Variants in ROBO2 observed in about 807,000 individuals in gnomAD.
ROBO2 encodes roundabout homolog 2.
A neutral mutation model predicts 160.8 loss-of-function variants in ROBO2; 53 were observed. The observed-to-expected ratio is 0.33, with a 90% CI of 0.26 to 0.41. ROBO2 has a LOEUF of 0.41. Among genes scored for constraint, ROBO2 ranks in the 10% least tolerant of loss-of-function variants. The probability of loss-of-function intolerance (pLI) is 1.00; values close to 1 mark genes in which losing one functional copy is unlikely to be tolerated. For synonymous variants in ROBO2, 664 were observed against 611.7 expected (o/e 1.09, Z -1.26); for missense variants, 1,577 against 1,722.4 (o/e 0.92, Z 1.49).
chr3:77,385,172 G>T (rs138741727), intron 2 of ROBO2, among the ~76,000 whole-genome samples: 57 of 152,154 alleles, frequency 3.7e-4, no homozygotes, highest in African/African-American at 1.4e-3. Flanking sequence ...TGGGATTACT[G>T]GTGCGCACAA....
chr3:76,672,540 G>A (rs1363070875), intron 2 of ROBO2, among the ~76,000 whole-genome samples: 1 of 152,146 alleles, frequency 6.6e-6, no homozygotes, highest in Non-Finnish European at 1.5e-5. Flanking sequence ...TAAAGTATAT[G>A]AGAAACATAA....
At chr3:76,136,197 C>T (rs1047439216) in intron 2 of ROBO2, among the ~76,000 whole-genome samples, 9 of 152,034 alleles carry the variant, frequency 5.9e-5, no homozygotes, top group African/African-American at 1.9e-4. Flanking sequence ...GCATAATACT[C>T]GCTGATGGTT....
intron 1 of ROBO2, among the ~76,000 whole-genome samples, chr3:77,069,521 T>G (rs2067193123): frequency 1.3e-5 from 2 of 152,212 alleles, no homozygotes; most frequent in Non-Finnish European, 2.9e-5. Context: ...AAATTATACT[T>G]TGATGGAATA....
Position 77,000,054 on chromosome 3 carries a change from A to G in ROBO2, c.110-97960A>G, listed in dbSNP as rs546877172. 7.5e-4 allele frequency among the ~76,000 whole-genome samples: 114 copies of G among 152,156 alleles called. 1 individual carries two copies. The highest frequency in any genetic ancestry group is 2.6e-3 in the African/African-American group (106 of 41,530). On this transcript the variant is annotated intron_variant, in intron 2 of 26. Coordinates refer to the ROBO2 transcript ENST00000487694. ...TCCAGAGTTATTTTGTTCCTCCTTT[A>G]TATTACACTTCAACCTGAGTCGAGA... is the stretch of plus-strand genomic sequence containing the variant.
At chr3:76,923,983 T>C (rs549429400) in intron 2 of ROBO2, among the ~76,000 whole-genome samples, 2 of 152,380 alleles carry the variant, frequency 1.3e-5, no homozygotes, top group Admixed American at 6.5e-5. Flanking sequence ...AACATCATAA[T>C]TGTATTTGAT....
rs953610890 is a variant in ROBO2, at chr3:76,648,745, G to A, written c.110-449269G>A. 4.6e-5 allele frequency among the ~76,000 whole-genome samples: 7 copies of A among 151,782 alleles called. No homozygotes were observed. The South Asian group carries it at 8.3e-4, about 18-fold the overall frequency. ...TGTACTATTCTTACAATTTCACTTT[G>A]GGTTTGAAATATTTCAAAATTTAAA... On this transcript the variant is annotated intron_variant, in intron 2 of 26. Coordinates refer to the ROBO2 transcript ENST00000487694.
chr3:76,650,285 T>C (rs778463925), intron 2 of ROBO2, among the ~76,000 whole-genome samples: 2 of 152,170 alleles, frequency 1.3e-5, no homozygotes, highest in African/African-American at 4.8e-5. Context: ...GTACCTCACC[T>C]TGTTTAAAGG....
intron 2 of ROBO2, among the ~76,000 whole-genome samples, chr3:77,458,379 A>T (rs2081904019): frequency 6.6e-6 from 1 of 152,212 alleles, no homozygotes; most frequent in South Asian, 2.1e-4. Context: ...ATAACGGTGA[A>T]TGAGGAGACA....
At chr3:76,201,589 G>T in intron 2 of ROBO2, among the ~76,000 whole-genome samples, 2 of 152,170 alleles carry the variant, frequency 1.3e-5, no homozygotes, top group African/African-American at 4.8e-5. Flanking sequence ...AAAGGTTGCC[G>T]TTACCCTCTT....
intron 2 of ROBO2, among the ~76,000 whole-genome samples, chr3:76,087,120 T>G (rs2069045144): frequency 6.6e-6 from 1 of 150,930 alleles, no homozygotes; most frequent in African/African-American, 2.4e-5. Flanking sequence ...ATAACAGAAT[T>G]TCTCCCAAAT....
chr3:77,111,504 G>A (rs2073573746), intron 2 of ROBO2, among the ~76,000 whole-genome samples: 2 of 152,134 alleles, frequency 1.3e-5, no homozygotes, highest in South Asian at 4.1e-4. Context: ...TTCATATTTT[G>A]AGTGTCCATG....
chr3:77,204,821 A>T (rs1488659513), intron 2 of ROBO2, among the ~76,000 whole-genome samples: 6 of 152,246 alleles, frequency 3.9e-5, no homozygotes, highest in African/African-American at 1.4e-4. Context: ...CAATTAAATT[A>T]ACTAAAATTT....
At chr3:77,145,994 T>C (rs2077090078) in intron 2 of ROBO2, among the ~76,000 whole-genome samples, 1 of 152,132 alleles carries the variant, frequency 6.6e-6, no homozygotes, top group African/African-American at 2.4e-5. Context: ...ACTGCTCAAG[T>C]CATCTGAAAA....
chr3:76,772,565 A>G (rs1030462550), intron 2 of ROBO2, among the ~76,000 whole-genome samples: 6 of 141,036 alleles, frequency 4.3e-5, no homozygotes, highest in Non-Finnish European at 7.7e-5. Context: ...ATGGGACTGG[A>G]TTTTTCTATA....
intron 2 of ROBO2, among the ~76,000 whole-genome samples, chr3:76,805,313 C>A (rs1360981953): frequency 6.6e-6 from 1 of 151,980 alleles, no homozygotes; most frequent in South Asian, 2.1e-4. Flanking sequence ...ACTTTTACAG[C>A]TGGGAATATC....
chr3:77,113,605 G>T (rs887928130), intron 2 of ROBO2, among the ~76,000 whole-genome samples: 1 of 152,174 alleles, frequency 6.6e-6, no homozygotes, highest in African/African-American at 2.4e-5. Flanking sequence ...TGTATCAGAT[G>T]ACATGCAAAT....
At chr3:76,350,143 T>C (rs979907397) in intron 2 of ROBO2, among the ~76,000 whole-genome samples, 3 of 152,096 alleles carry the variant, frequency 2.0e-5, no homozygotes, top group African/African-American at 7.2e-5. Context: ...AATGGCAAAG[T>C]CATGAAAATG....
At chr3:77,613,616 AG>A (rs1267842192) in intron 21 of ROBO2, among the ~76,000 whole-genome samples, 4 of 152,320 alleles carry the variant, frequency 2.6e-5, no homozygotes, top group African/African-American at 9.6e-5. Context: ...TTAGGAAAAA[AG>A]AACAAAGCAT....
intron 2 of ROBO2, among the ~76,000 whole-genome samples, chr3:76,205,881 T>C (rs775347680): frequency 6.6e-6 from 1 of 152,176 alleles, no homozygotes; most frequent in African/African-American, 2.4e-5. Context: ...CACTAGCATC[T>C]GGCTATACAA....
Sources: allele counts gnomAD v4.1 joint callset (sites outside exome capture counted in the v4.1 genomes callset), GRCh38; gene constraint gnomAD v4.1.1; transcripts MANE v1.5; gene names NCBI Gene and HGNC (gene_info 2026-07-23, HGNC 2026-07-21).